The following PDZD2 variants were observed in gnomAD, a reference collection of about 807,000 sequenced individuals.
PDZD2 encodes the protein PDZ domain-containing protein 2.
A neutral mutation model predicts 220.7 loss-of-function variants in PDZD2; 90 were observed. The observed-to-expected ratio is 0.41, with a 90% CI of 0.34 to 0.49. The LOEUF is 0.49. Among genes scored for constraint, PDZD2 ranks in the 20% least tolerant of loss-of-function variants. The pLI, the probability that PDZD2 is intolerant of heterozygous loss-of-function variation, is 0.28. For synonymous variants in PDZD2, 1,375 were observed against 1,450.5 expected (o/e 0.95, Z 1.18); for missense variants, 3,174 against 3,608.5 (o/e 0.88, Z 3.08).
At position 31,798,960 on chromosome 5, in the gene PDZD2, G is replaced by A. The variant is rs147391797; in HGVS notation, c.-289G>A. On this transcript the variant is annotated 5_prime_UTR_variant, in exon 2 of 25. The change creates a premature stop within an existing upstream ORF in the 5' untranslated region. Transcript: ENST00000438447. The stretch of plus-strand genomic sequence containing the variant: ...CCTCCATTCCTGTGTCATTTGCATG[G>A]GTCCTGCTGTGAAATGAACCTGGCA... 4 of 437,176 alleles carry A rather than the reference G, an allele frequency of 9.1e-6. No individual in the cohort carries two copies. The highest frequency in any genetic ancestry group is 6.0e-4 in the Middle Eastern group (1 of 1,666). The allele number at this position is 437,176 out of a possible 1,614,324, so 27.1% of individuals were successfully genotyped here.
intron 3 of PDZD2, among the ~76,000 whole-genome samples, chr5:31,989,445 C>T (rs1259816414): frequency 1.0e-5 from 1 of 95,280 alleles, no homozygotes; most frequent in Non-Finnish European, 1.9e-5. Flanking sequence ...TTTTTTGAGA[C>T]GAAGTCTCAC....
intron 1 of PDZD2, among the ~76,000 whole-genome samples, chr5:31,703,937 CTCTCTCTCTT>C (rs869081375): frequency 4.2e-4 from 59 of 142,052 alleles, no homozygotes; most frequent in Admixed American, 1.2e-3. Context: ...TCTCTCCTCT[CTCTCTCTCTT>C]TCTCTCTCTT....
At chr5:31,755,722 C>G (rs1437944358) in intron 1 of PDZD2, among the ~76,000 whole-genome samples, 1 of 151,626 alleles carries the variant, frequency 6.6e-6, no homozygotes. Context: ...ACATGCCCCT[C>G]TTTTCCTGAA....
intron 1 of PDZD2, among the ~76,000 whole-genome samples, chr5:31,726,939 G>C (rs761744974): frequency 6.6e-6 from 1 of 152,178 alleles, no homozygotes; most frequent in East Asian, 1.9e-4. Flanking sequence ...TCAGCTTCTG[G>C]GGGGCCTCAG....
intron 2 of PDZD2, among the ~76,000 whole-genome samples, chr5:31,857,643 T>C (rs1335670689): frequency 6.6e-6 from 1 of 152,194 alleles, no homozygotes; most frequent in African/African-American, 2.4e-5. Context: ...TGAAAGTTCT[T>C]AGGATTTCCT....
At chr5:32,092,458 A>G (rs1245079006) in intron 20 of PDZD2, among the ~76,000 whole-genome samples, 3 of 141,522 alleles carry the variant, frequency 2.1e-5, no homozygotes, top group African/African-American at 8.0e-5. Context: ...TGTGATCCCA[A>G]CTACTCGGGA....
intron 2 of PDZD2, among the ~76,000 whole-genome samples, chr5:31,816,138 A>G (rs975086740): frequency 6.6e-6 from 1 of 151,998 alleles, no homozygotes; most frequent in Non-Finnish European, 1.5e-5. Flanking sequence ...AATACAAAAA[A>G]TTAGCTGGGC....
chr5:31,869,861 G>T (rs1005397059), intron 2 of PDZD2, among the ~76,000 whole-genome samples: 5 of 152,192 alleles, frequency 3.3e-5, no homozygotes, highest in African/African-American at 9.7e-5. Context: ...AGAGAGAGGG[G>T]TGGGTCTGAC....
chr5:31,893,919 A>G (rs1341835776), intron 2 of PDZD2, among the ~76,000 whole-genome samples: 1 of 151,634 alleles, frequency 6.6e-6, no homozygotes, highest in East Asian at 1.9e-4. Context: ...TTTGAGACGG[A>G]GTTTCACTCT....
chr5:31,938,587 C>T, intron 2 of PDZD2, among the ~76,000 whole-genome samples: 1 of 151,602 alleles, frequency 6.6e-6, no homozygotes, highest in African/African-American at 2.4e-5. Flanking sequence ...ACAAGTCATT[C>T]ACTTCTTTCT....
chr5:31,789,822 G>A (rs1254078803), intron 1 of PDZD2, among the ~76,000 whole-genome samples: 1 of 152,102 alleles, frequency 6.6e-6, no homozygotes, highest in African/African-American at 2.4e-5. Flanking sequence ...GGAGGCTGAG[G>A]CAAGAAAATC....
chr5:31,691,007 G>C (rs1747094384), intron 1 of PDZD2, among the ~76,000 whole-genome samples: 1 of 152,174 alleles, frequency 6.6e-6, no homozygotes, highest in South Asian at 2.1e-4. Flanking sequence ...GAGGAGCCTA[G>C]GCTCTGGCCT....
In PDZD2 at chr5:32,091,033, G is replaced by A. The variant is rs112860499; in HGVS notation, c.7585G>A (p.Val2529Ile). Residue 2529 changes from valine to isoleucine, a missense_variant, in exon 20 of 25, where the codon GTT becomes ATT. Physicochemically the swap from Val to Ile is conservative, Grantham distance 29. Coordinates refer to ENST00000438447, the MANE Select transcript of PDZD2 (RefSeq NM_178140.4). ...RRSPGPPAGG[V>I]SCPEKGGNRA... ...GTCACCTGGCCCTCCTGCTGGAGGC[G>A]TTTCGTGTCCCGAGAAGGGCGGGAA... is the stretch of plus-strand genomic sequence containing the variant. 33 of 1,613,804 alleles carry A rather than the reference G, an allele frequency of 2.0e-5. No individual in the cohort carries two copies. Among genetic ancestry groups the A allele is most frequent in the African/African-American group, 1.6e-4 (12 of 75,004 alleles).
chr5:31,887,324 A>T (rs1032597347), intron 2 of PDZD2, among the ~76,000 whole-genome samples: 35 of 152,154 alleles, frequency 2.3e-4, no homozygotes, highest in Non-Finnish European at 3.4e-4. Flanking sequence ...TGTGTTAGGA[A>T]AGTGACTCTT....
intron 1 of PDZD2, among the ~76,000 whole-genome samples, chr5:31,784,906 CAAA>C (rs57587256): frequency 7.2e-6 from 1 of 139,456 alleles, no homozygotes. Flanking sequence ...GATGCCGTCT[CAAA>C]AAAAAAAAAG....
At chr5:32,027,782 A>T (rs1175322602) in intron 6 of PDZD2, among the ~76,000 whole-genome samples, 1 of 152,126 alleles carries the variant, frequency 6.6e-6, no homozygotes, top group African/African-American at 2.4e-5. Context: ...TGTTGTCCTG[A>T]TTCCCATTTT....
chr5:32,063,869 T>G (rs957519409), intron 14 of PDZD2, among the ~76,000 whole-genome samples: 7 of 152,214 alleles, frequency 4.6e-5, no homozygotes, highest in Admixed American at 2.0e-4. Flanking sequence ...TTAAGCATTT[T>G]GTTAGAGTGT....
At chr5:32,043,622 ATTTTCTTTTTCT>A (rs966234318) in intron 7 of PDZD2, among the ~76,000 whole-genome samples, 2 of 151,980 alleles carry the variant, frequency 1.3e-5, no homozygotes, top group East Asian at 1.9e-4. Context: ...TACCACTGTC[ATTTTCTTTTTCT>A]TTTTCTTTTT....
rs543186460 is a variant in PDZD2 at position 32,016,507 on chromosome 5, G to C, written c.1407+6025G>C. The stretch of plus-strand genomic sequence containing the variant: ...GAGTCTGACTGGAAGGCAGATCTTC[G>C]GAGTAGTACTGTTAATCCTGAAAGA... On this transcript the variant is annotated intron_variant, in intron 6 of 24. Transcript: ENST00000438447. 1.0e-3 allele frequency among the ~76,000 whole-genome samples: 158 copies of C among 152,132 alleles called. 1 individual carries two copies. Among genetic ancestry groups the C allele is most frequent in the Non-Finnish European group, 2.0e-3 (136 of 68,010 alleles).
Sources: allele counts gnomAD v4.1 joint callset (sites outside exome capture counted in the v4.1 genomes callset), GRCh38; gene constraint gnomAD v4.1.1; transcripts MANE v1.5; gene names NCBI Gene and HGNC (gene_info 2026-07-23, HGNC 2026-07-21).